FER: variants seen among roughly 807,000 people sequenced by gnomAD.
FER encodes tyrosine-protein kinase Fer.
FER carries 63 observed loss-of-function variants against 111.0 expected under a neutral mutation model. The observed-to-expected ratio is 0.57, with a 90% confidence interval of 0.46 to 0.70. The LOEUF is 0.70. Ranked by LOEUF, FER falls within the 30% of genes least tolerant of loss-of-function variation. The pLI, the probability that FER is intolerant of heterozygous loss-of-function variation, is 0.00. For synonymous variants in FER, 327 were observed against 313.9 expected (o/e 1.04, Z -0.44); for missense variants, 914 against 954.0 (o/e 0.96, Z 0.55).
At chr5:109,182,581 G>A (rs930843350) in intron 18 of FER, among the ~76,000 whole-genome samples, 10 of 152,230 alleles carry the variant, frequency 6.6e-5, no homozygotes, top group African/African-American at 2.2e-4. Flanking sequence ...ACATTTTCAA[G>A]CACTAAGGAA....
At chr5:108,916,972 G>A (rs552922828) in intron 10 of FER, among the ~76,000 whole-genome samples, 8 of 152,122 alleles carry the variant, frequency 5.3e-5, no homozygotes, top group Non-Finnish European at 1.0e-4. Flanking sequence ...ATTTTGATCA[G>A]TTAGCATTTT....
intron 17 of FER, among the ~76,000 whole-genome samples, chr5:109,119,944 C>A (rs528210692): frequency 2.0e-5 from 3 of 152,080 alleles, no homozygotes; most frequent in South Asian, 2.1e-4. Flanking sequence ...CTATTTAGAT[C>A]TTTTGCCTAT....
chr5:109,123,622 A>C (rs546310116), intron 17 of FER, among the ~76,000 whole-genome samples: 2 of 152,304 alleles, frequency 1.3e-5, no homozygotes, highest in Admixed American at 6.5e-5. Flanking sequence ...ACTGATGTCA[A>C]TTTATCACTG....
intron 13 of FER, among the ~76,000 whole-genome samples, chr5:108,992,543 G>A (rs1338382978): frequency 2.7e-5 from 4 of 146,500 alleles, no homozygotes; most frequent in African/African-American, 5.0e-5. Flanking sequence ...GCAGCTGGCC[G>A]GGCAGAGGGG....
intron 13 of FER, among the ~76,000 whole-genome samples, chr5:108,995,334 G>A (rs1042789724): frequency 3.3e-5 from 5 of 151,938 alleles, no homozygotes; most frequent in African/African-American, 1.2e-4. Flanking sequence ...TGTTACATAG[G>A]TATACACGTG....
intron 13 of FER, among the ~76,000 whole-genome samples, chr5:108,988,280 T>C (rs1418293418): frequency 6.6e-6 from 1 of 151,940 alleles, no homozygotes; most frequent in Non-Finnish European, 1.5e-5. Flanking sequence ...TTTCTGATTT[T>C]GATATTAGGA....
At chr5:108,983,689 T>G (rs949398546) in intron 13 of FER, among the ~76,000 whole-genome samples, 1 of 152,086 alleles carries the variant, frequency 6.6e-6, no homozygotes, top group African/African-American at 2.4e-5. Context: ...GAAATTTGAC[T>G]TTAAGCGGTT....
chr5:108,922,886 A>T (rs1753214295), intron 10 of FER, among the ~76,000 whole-genome samples: 1 of 152,188 alleles, frequency 6.6e-6, no homozygotes. Flanking sequence ...GAAATAGAGC[A>T]GTGACTTAAT....
intron 16 of FER, among the ~76,000 whole-genome samples, chr5:109,083,401 A>C (rs1777208820): frequency 6.6e-6 from 1 of 152,014 alleles, no homozygotes; most frequent in Non-Finnish European, 1.5e-5. Flanking sequence ...TCAAACCTTA[A>C]ATCAATATTC....
intron 8 of FER, among the ~76,000 whole-genome samples, chr5:108,879,856 C>T (rs1326062977): frequency 1.3e-5 from 2 of 151,056 alleles, no homozygotes; most frequent in Non-Finnish European, 3.0e-5. Flanking sequence ...ATTACAGGTG[C>T]CTGCCACCAC....
At chr5:108,781,501 T>A (rs1394571328) in intron 2 of FER, among the ~76,000 whole-genome samples, 1 of 152,158 alleles carries the variant, frequency 6.6e-6, no homozygotes, top group East Asian at 1.9e-4. Flanking sequence ...CCAGCCTGTG[T>A]TTTTTGCCTT....
chr5:108,770,222 A>G (rs11741497), intron 2 of FER, among the ~76,000 whole-genome samples: 2,040 of 152,338 alleles, frequency 0.013, 14 homozygotes, highest in Non-Finnish European at 0.021. Flanking sequence ...TGCCGGGGTT[A>G]CAGGCATGAG....
rs1759464714 is a variant in FER, at chr5:109,192,739, A to G, written c.*5164A>G. 1 of 152,188 alleles carries G rather than the reference A, an allele frequency of 6.6e-6. No individual in the cohort carries two copies. The highest frequency in any genetic ancestry group is 6.5e-5 in the Admixed American group (1 of 15,270). The allele number at this position is 152,188 out of a possible 1,614,324, so 9.4% of individuals were successfully genotyped here. On this transcript the variant is annotated 3_prime_UTR_variant, in exon 20 of 20. Coordinates refer to ENST00000281092, the MANE Select transcript of FER (RefSeq NM_005246.4). ...ATCCGCCCTATTTCACCTTTGGACT[A>G]ACGTTGACTAAATGGCTCCTAGAGT...
At chr5:108,919,069 T>A (rs998764450) in intron 10 of FER, among the ~76,000 whole-genome samples, 2 of 152,204 alleles carry the variant, frequency 1.3e-5, no homozygotes, top group African/African-American at 4.8e-5. Context: ...AAATTATAAC[T>A]CCCACAAGTT....
At chr5:109,112,998 C>T (rs570773612) in intron 17 of FER, among the ~76,000 whole-genome samples, 1 of 152,234 alleles carries the variant, frequency 6.6e-6, no homozygotes, top group East Asian at 1.9e-4. Flanking sequence ...ATCTGTCTTT[C>T]CTAATCCATC....
chr5:109,186,475 T>A (rs1398816668), intron 19 of FER, among the ~76,000 whole-genome samples, 153 bp downstream of exon 19: 1 of 152,178 alleles, frequency 6.6e-6, no homozygotes, highest in Non-Finnish European at 1.5e-5. Flanking sequence ...ATCTAACATC[T>A]CTGCTCTTTA....
At chr5:108,757,694 T>C (rs1054548885) in intron 1 of FER, among the ~76,000 whole-genome samples, 3 of 152,208 alleles carry the variant, frequency 2.0e-5, no homozygotes, top group African/African-American at 7.2e-5. Context: ...TGTCGCACCC[T>C]CAACAATAAT....
intron 10 of FER, among the ~76,000 whole-genome samples, chr5:108,924,360 C>CAAAAAAAAAAA (rs59469649): frequency 2.1e-3 from 206 of 99,056 alleles, no homozygotes; most frequent in African/African-American, 7.4e-3. Flanking sequence ...AACTCTGTCT[C>CAAAAAAAAAAA]AAAAAAAAAA....
At chr5:109,155,663 G>A (rs1179943124) in intron 17 of FER, among the ~76,000 whole-genome samples, 1 of 151,966 alleles carries the variant, frequency 6.6e-6, no homozygotes, top group Non-Finnish European at 1.5e-5. Context: ...TCACAAGAGT[G>A]AAAATATAGA....
Sources: gnomAD v4.1 joint callset for allele counts (sites outside exome capture counted in the v4.1 genomes callset) on GRCh38, gnomAD v4.1.1 for gene constraint, MANE v1.5 for transcripts, NCBI Gene and HGNC (gene_info 2026-07-23, HGNC 2026-07-21) for gene names.